Variants in ASIC2 observed in about 807,000 individuals in gnomAD.
The protein encoded by ASIC2 is acid-sensing ion channel 2.
A neutral mutation model predicts 57.3 loss-of-function variants in ASIC2; 25 were observed. The observed-to-expected ratio is 0.44, with a 90% CI of 0.32 to 0.61. The LOEUF (loss-of-function observed/expected upper bound fraction) is 0.61, where lower values mean the gene tolerates loss of function less well. Ranked by LOEUF, ASIC2 falls within the 20% of genes least tolerant of loss-of-function variation. The pLI is 0.06. For missense variants in ASIC2, 641 were observed against 738.1 expected (o/e 0.87, Z 1.52); for synonymous variants, 319 against 307.5 (o/e 1.04, Z -0.39).
intron 3 of ASIC2, among the ~76,000 whole-genome samples, chr17:33,049,902 A>G (rs932431031): frequency 2.0e-5 from 3 of 152,122 alleles, no homozygotes; most frequent in African/African-American, 7.2e-5. Context: ...GGTGGGTGGG[A>G]CAGGGAAGGG....
rs528862591 is a variant in ASIC2, at chr17:33,166,911, C to T, written c.709-54844G>A. ...GCTCAAAAAAGAGGCAGGATTTTAA[C>T]TTGTTCCAAAGAAAAGAGCATCATT... On this transcript the variant is annotated intron_variant, in intron 1 of 9. Transcript: ENST00000225823. Among the ~76,000 whole-genome samples, 9 of 152,352 alleles carry T rather than the reference C, an allele frequency of 5.9e-5. No homozygotes were observed. In the South Asian group the frequency reaches 1.9e-3, roughly 32 times the overall value.
chr17:34,091,170 C>A (rs1910317026), intron 1 of ASIC2, among the ~76,000 whole-genome samples: 1 of 152,240 alleles, frequency 6.6e-6, no homozygotes, highest in Admixed American at 6.5e-5. Context: ...TCATCCAGCC[C>A]TTGTCCACAT....
At chr17:33,636,564 A>T (rs1906373320) in intron 1 of ASIC2, among the ~76,000 whole-genome samples, 1 of 152,092 alleles carries the variant, frequency 6.6e-6, no homozygotes, top group Admixed American at 6.5e-5. Context: ...TCATCTCCAT[A>T]CGGCTGCCCT....
At chr17:33,263,018 G>C (rs542193955) in intron 1 of ASIC2, among the ~76,000 whole-genome samples, 2 of 152,172 alleles carry the variant, frequency 1.3e-5, no homozygotes, top group African/African-American at 2.4e-5. Flanking sequence ...TGTTTGCTCC[G>C]TAAATGAGCT....
chr17:33,093,473 C>CTACA (rs1410274025), intron 2 of ASIC2, among the ~76,000 whole-genome samples: 1 of 151,998 alleles, frequency 6.6e-6, no homozygotes, highest in African/African-American at 2.4e-5. Context: ...GGGAAAGCTA[C>CTACA]TACATACATA....
intron 1 of ASIC2, among the ~76,000 whole-genome samples, chr17:33,973,500 A>G (rs1009423923): frequency 3.3e-5 from 5 of 152,344 alleles, no homozygotes; most frequent in Non-Finnish European, 2.9e-5. Flanking sequence ...CTCACTGCCC[A>G]GCAGGGCAGG....
intron 1 of ASIC2, among the ~76,000 whole-genome samples, chr17:33,154,660 C>T (rs1484490046): frequency 6.6e-6 from 1 of 152,174 alleles, no homozygotes; most frequent in East Asian, 1.9e-4. Context: ...TTAAGACACG[C>T]ACCTTGGCCG....
At chr17:33,197,394 G>T (rs2142074416) in intron 1 of ASIC2, among the ~76,000 whole-genome samples, 1 of 152,300 alleles carries the variant, frequency 6.6e-6, no homozygotes, top group East Asian at 1.9e-4. Context: ...CACTTTCCAG[G>T]GTGTTTCTCT....
intron 1 of ASIC2, among the ~76,000 whole-genome samples, chr17:33,961,696 C>T (rs1482637634): frequency 6.6e-6 from 1 of 152,158 alleles, no homozygotes; most frequent in African/African-American, 2.4e-5. Context: ...TTTCAAAAAG[C>T]CCACCTGCTT....
At chr17:33,982,799 A>T (rs969785713) in intron 1 of ASIC2, among the ~76,000 whole-genome samples, 1 of 152,260 alleles carries the variant, frequency 6.6e-6, no homozygotes, top group African/African-American at 2.4e-5. Flanking sequence ...CTTGATAGCT[A>T]TGTGACTTTG....
intron 1 of ASIC2, among the ~76,000 whole-genome samples, chr17:33,696,022 G>A (rs994671042): frequency 7.2e-5 from 11 of 151,976 alleles, no homozygotes; most frequent in African/African-American, 2.2e-4. Context: ...TTATTTCATC[G>A]TATGAGTACA....
chr17:33,376,201 G>C (rs777637299), intron 1 of ASIC2, among the ~76,000 whole-genome samples: 1 of 152,044 alleles, frequency 6.6e-6, no homozygotes. Flanking sequence ...GATTGAGAAG[G>C]AGTGGCCAGT....
In ASIC2 at chr17:34,078,624, T is replaced by C. The variant is rs1461854956; in HGVS notation, c.555+77354A>G. Among the ~76,000 whole-genome samples the C allele has an allele frequency of 3.3e-5, 5 of 152,062 alleles. No individual in the cohort carries two copies. The East Asian group carries it at 5.8e-4, about 18-fold the overall frequency. On this transcript the variant is annotated intron_variant, in intron 1 of 9. Coordinates refer to the ASIC2 transcript ENST00000359872. ...GGAAAGCAACATAAAGGGATTGCCA[T>C]AGAAACATGGGGATGGGGCTGGGGG...
At chr17:33,273,439 T>C (rs1904585217) in intron 1 of ASIC2, among the ~76,000 whole-genome samples, 1 of 152,204 alleles carries the variant, frequency 6.6e-6, no homozygotes, top group Admixed American at 6.5e-5. Context: ...CTGTGTGTAC[T>C]CAGCAGAGCT....
At chr17:33,837,919 T>C (rs1489421037) in intron 1 of ASIC2, among the ~76,000 whole-genome samples, 1 of 152,140 alleles carries the variant, frequency 6.6e-6, no homozygotes, top group African/African-American at 2.4e-5. Flanking sequence ...TCTGTTCACC[T>C]GAAAACCCCA....
At chr17:34,111,540 A>G (rs1360547536) in intron 1 of ASIC2, among the ~76,000 whole-genome samples, 1 of 152,146 alleles carries the variant, frequency 6.6e-6, no homozygotes, top group African/African-American at 2.4e-5. Context: ...TTTATTGCCT[A>G]TCTATTCTGA....
At chr17:33,179,889 C>T (rs1905908401) in intron 1 of ASIC2, among the ~76,000 whole-genome samples, 1 of 152,144 alleles carries the variant, frequency 6.6e-6, no homozygotes, top group African/African-American at 2.4e-5. Flanking sequence ...GGTGGTCCTC[C>T]TTGATGCAGG....
chr17:34,035,925 A>G (rs925818452), intron 1 of ASIC2, among the ~76,000 whole-genome samples: 1 of 151,804 alleles, frequency 6.6e-6, no homozygotes, highest in Non-Finnish European at 1.5e-5. Flanking sequence ...ACACTTTTAC[A>G]CTGTTGGTGG....
At chr17:33,711,891 C>G (rs1368840606) in intron 1 of ASIC2, among the ~76,000 whole-genome samples, 2 of 152,092 alleles carry the variant, frequency 1.3e-5, no homozygotes, top group African/African-American at 4.8e-5. Flanking sequence ...GTGTGAGAAC[C>G]TTCTGTAAGT....
Sources: allele counts gnomAD v4.1 joint callset (sites outside exome capture counted in the v4.1 genomes callset), GRCh38; gene constraint gnomAD v4.1.1; transcripts MANE v1.5; gene names NCBI Gene and HGNC (gene_info 2026-07-23, HGNC 2026-07-21).